Variants in BCAS3 observed in about 807,000 individuals in gnomAD.
BCAS3 encodes BCAS3 microtubule associated cell migration factor, also known as BCAS4/BCAS3 fusion.
A neutral mutation model predicts 116.1 loss-of-function variants in BCAS3; 53 were observed. The observed-to-expected ratio is 0.46, with a 90% CI of 0.37 to 0.57. The LOEUF (loss-of-function observed/expected upper bound fraction) is 0.57, where lower values mean the gene tolerates loss of function less well. Among genes scored for constraint, BCAS3 ranks in the 20% least tolerant of loss-of-function variants. The pLI is 0.00. For missense variants in BCAS3, 917 were observed against 1,165.4 expected (o/e 0.79, Z 3.10); for synonymous variants, 391 against 408.2 (o/e 0.96, Z 0.51).
chr17:61,045,266 T>C (rs2143089430), intron 19 of BCAS3, among the ~76,000 whole-genome samples: 1 of 151,974 alleles, frequency 6.6e-6, no homozygotes, highest in Admixed American at 6.6e-5. Context: ...CCTGGTACTT[T>C]GGAAGGCCAA....
Position 61,085,144 on chromosome 17 carries a change from G to A in BCAS3, c.2425+580G>A, listed in dbSNP as rs541397328. Among the ~76,000 whole-genome samples the A allele has an allele frequency of 3.8e-4, 58 of 152,274 alleles. 1 individual carries two copies. Among genetic ancestry groups the A allele is most frequent in the African/African-American group, 1.4e-3 (58 of 41,562 alleles). On this transcript the variant is annotated intron_variant, in intron 22 of 23. Transcript: ENST00000407086. ...TTTATAGGTGATCGTTGCTCCATTA[G>A]TATTATAAAACTTTTCAGCCAGGCC...
intron 22 of BCAS3, among the ~76,000 whole-genome samples, chr17:61,322,610 A>G (rs570277132): frequency 1.3e-5 from 2 of 151,780 alleles, no homozygotes; most frequent in East Asian, 1.9e-4. Context: ...CCTTCTCTTC[A>G]TTTCAAACAA....
rs74962464 is a variant in BCAS3 at position 61,214,543 on chromosome 17, T to A, written c.2425+129979T>A. On this transcript the variant is annotated intron_variant, in intron 22 of 23. Transcript: ENST00000407086. This position sits in a 1 kb window ranked among gnomAD's most constrained non-coding sequence, Gnocchi z 4.4. ...ACTAAAAATACCAAAAAAAAAAAAT[T>A]AGCTGGGCGTGGCGGCGGGCGCCTG... is the stretch of plus-strand genomic sequence containing the variant. Among the ~76,000 whole-genome samples the A allele has an allele frequency of 7.0e-6, 1 of 143,776 alleles. No individual in the cohort carries two copies. The allele number at this position is 143,776 out of a possible 152,430, so 94.3% of individuals were successfully genotyped here.
At chr17:60,800,957 T>C (rs1181795712) in intron 6 of BCAS3, among the ~76,000 whole-genome samples, 1 of 152,162 alleles carries the variant, frequency 6.6e-6, no homozygotes, top group Non-Finnish European at 1.5e-5. Context: ...CTAACTCTTA[T>C]TTACTATAGT....
At chr17:61,275,247 T>G (rs948085862) in intron 22 of BCAS3, among the ~76,000 whole-genome samples, 2 of 152,246 alleles carry the variant, frequency 1.3e-5, no homozygotes, top group Non-Finnish European at 2.9e-5. Context: ...ATTGTCTATG[T>G]GCTATCAACA....
Position 61,346,434 on chromosome 17 carries a change from C to T in BCAS3, c.2426-21893C>T, listed in dbSNP as rs1223159545. Among the ~76,000 whole-genome samples, 1 of 152,132 alleles carries T rather than the reference C, an allele frequency of 6.6e-6. No individual in the cohort carries two copies. The highest frequency in any genetic ancestry group is 1.5e-5 in the Non-Finnish European group (1 of 68,026). Reference sequence around the variant, plus strand: ...GGCCTAATACAAAGTCACTTTATACCTCAGCTTCTTTCTGAAACGGAAGAG... The same window carrying T: ...GGCCTAATACAAAGTCACTTTATACTTCAGCTTCTTTCTGAAACGGAAGAG... On this transcript the variant is annotated intron_variant, in intron 22 of 23. Transcript: ENST00000407086. The surrounding 1 kb of genome is among the most constrained non-coding windows in gnomAD (Gnocchi z 5.4).
chr17:60,844,241 A>C (rs2052281454), intron 7 of BCAS3, among the ~76,000 whole-genome samples: 2 of 152,204 alleles, frequency 1.3e-5, no homozygotes, highest in South Asian at 4.1e-4. Flanking sequence ...AAATGCTGGG[A>C]TTACAGGCCT....
rs531565903 is a variant in BCAS3, at chr17:61,213,972, A to G, written c.2425+129408A>G. ...AATTATGGCAGCCAAATGTCTCCCAAAGTGAAAGACAAGAAAAATGGGGGC... is the reference window on the plus strand; with the variant it reads ...AATTATGGCAGCCAAATGTCTCCCAGAGTGAAAGACAAGAAAAATGGGGGC... On this transcript the variant is annotated intron_variant, in intron 22 of 23. Transcript: ENST00000407086. This position sits in a 1 kb window ranked among gnomAD's most constrained non-coding sequence, Gnocchi z 5.4. 2.6e-5 allele frequency among the ~76,000 whole-genome samples: 4 copies of G among 152,274 alleles called. No homozygotes were observed. The South Asian group carries it at 8.3e-4, about 32-fold the overall frequency.
At chr17:60,768,124 T>C (rs1042685821) in intron 6 of BCAS3, among the ~76,000 whole-genome samples, 3 of 152,148 alleles carry the variant, frequency 2.0e-5, no homozygotes, top group African/African-American at 7.2e-5. Flanking sequence ...TTGACTTTGA[T>C]TTTAGGTGCA....
rs955151812 is a variant in BCAS3, at chr17:61,316,751, T to C, written c.2426-51576T>C. Among the ~76,000 whole-genome samples the C allele has an allele frequency of 2.6e-5, 4 of 152,252 alleles. No homozygotes were observed. The highest frequency in any genetic ancestry group is 9.6e-5 in the African/African-American group (4 of 41,476). On this transcript the variant is annotated intron_variant, in intron 22 of 23. Transcript: ENST00000407086. This position sits in a 1 kb window ranked among gnomAD's most constrained non-coding sequence, Gnocchi z 5.8. ...GGAATGATGTGGCTCCTTCCTTTTT[T>C]AGTCAAACATCTGCTCAACTGTATG... is the stretch of plus-strand genomic sequence containing the variant.
In BCAS3 at chr17:61,233,483, C is replaced by T. The variant is rs1324636069; in HGVS notation, c.2426-134844C>T. 1.1e-4 allele frequency among the ~76,000 whole-genome samples: 16 copies of T among 152,162 alleles called. 1 individual carries two copies. The highest frequency in any genetic ancestry group is 1.0e-3 in the Admixed American group (16 of 15,264). On this transcript the variant is annotated intron_variant, in intron 22 of 23. Transcript: ENST00000407086. The surrounding 1 kb of genome is among the most constrained non-coding windows in gnomAD (Gnocchi z 4.3). ...TGCTAAATATTTCTAAGAAATGCTT[C>T]TTTTTAAGTTGCTGTCTTGTGATCA...
intron 7 of BCAS3, among the ~76,000 whole-genome samples, chr17:60,853,494 T>C (rs933564158): frequency 2.6e-5 from 4 of 152,226 alleles, no homozygotes; most frequent in African/African-American, 7.2e-5. Flanking sequence ...TATTATTTAT[T>C]GACTGCCATT....
chr17:60,863,421 C>T (rs1230814720), intron 7 of BCAS3, among the ~76,000 whole-genome samples: 1 of 151,776 alleles, frequency 6.6e-6, no homozygotes, highest in Non-Finnish European at 1.5e-5. Context: ...TAAAGCAAGT[C>T]CCGTTAATTT....
chr17:60,812,333 A>C (rs2048909471), intron 7 of BCAS3, among the ~76,000 whole-genome samples: 1 of 152,218 alleles, frequency 6.6e-6, no homozygotes, highest in Non-Finnish European at 1.5e-5. Flanking sequence ...TTTGCAAAAA[A>C]ATGTGACTTA....
chr17:60,712,097 G>A (rs1322504826), intron 5 of BCAS3, among the ~76,000 whole-genome samples: 2 of 152,138 alleles, frequency 1.3e-5, no homozygotes, highest in Admixed American at 6.6e-5. Flanking sequence ...CCCGGGAGGC[G>A]GTGGTTACAG....
In BCAS3 at chr17:60,804,961, G is replaced by A. The variant is rs932522104; in HGVS notation, c.404-3043G>A. On this transcript the variant is annotated intron_variant, in intron 6 of 23. Transcript: ENST00000407086. ...AAGATCCTGTGATGTAAACTAATTT[G>A]AGTGTCGGGTTTTTTTTTTTCCCCC... Among the ~76,000 whole-genome samples the A allele has an allele frequency of 3.4e-5, 5 of 148,658 alleles. No individual in the cohort carries two copies. In the South Asian group the frequency reaches 1.0e-3, roughly 31 times the overall value.
At chr17:60,884,501 G>A (rs2056459312) in intron 9 of BCAS3, among the ~76,000 whole-genome samples, 1 of 144,172 alleles carries the variant, frequency 6.9e-6, no homozygotes, top group African/African-American at 2.8e-5. Context: ...GAATGTGTTT[G>A]CTCTTGCTTT....
chr17:61,223,689 T>C (rs2082235630), intron 22 of BCAS3, among the ~76,000 whole-genome samples: 1 of 152,210 alleles, frequency 6.6e-6, no homozygotes, highest in African/African-American at 2.4e-5. Context: ...CTTTTCATGA[T>C]GTATGCTTTT....
intron 6 of BCAS3, among the ~76,000 whole-genome samples, chr17:60,784,018 G>A (rs2046056309): frequency 6.6e-6 from 1 of 152,114 alleles, no homozygotes; most frequent in African/African-American, 2.4e-5. Context: ...ATAATATAAA[G>A]CAGCACTCCA....
Sources: allele counts gnomAD v4.1 joint callset (sites outside exome capture counted in the v4.1 genomes callset), GRCh38; gene constraint gnomAD v4.1.1; non-coding constraint Gnocchi (gnomAD v3.1); transcripts MANE v1.5; gene names NCBI Gene and HGNC (gene_info 2026-07-23, HGNC 2026-07-21).